WDPCP: variants seen among roughly 807,000 people sequenced by gnomAD.
WDPCP encodes the protein WD repeat containing planar cell polarity effector, also known as WD repeat-containing and planar cell polarity effector protein fritz homolog.
A neutral mutation model predicts 93.1 loss-of-function variants in WDPCP; 71 were observed. That is an observed-to-expected ratio of 0.76 (90% confidence interval 0.63 to 0.93). WDPCP has a LOEUF of 0.93. Among genes scored for constraint, WDPCP ranks in the 40% least tolerant of loss-of-function variants. The pLI is 0.00. For missense variants in WDPCP, 844 were observed against 887.4 expected (o/e 0.95, Z 0.62); for synonymous variants, 315 against 315.0 (o/e 1.00, Z 0.00).
intron 2 of WDPCP, among the ~76,000 whole-genome samples, chr2:63,682,671 A>T (rs1668731589): frequency 6.6e-6 from 1 of 152,278 alleles, no homozygotes; most frequent in Non-Finnish European, 1.5e-5. Context: ...AAAGATATAA[A>T]TATCCAAGTA....
chr2:63,694,976 AAAAATAAGAAAC>A (rs1668942574), intron 2 of WDPCP, among the ~76,000 whole-genome samples: 1 of 152,234 alleles, frequency 6.6e-6, no homozygotes. Context: ...TAGTTCAGTC[AAAAATAAGAAAC>A]AAAAACACAG....
chr2:63,241,150 CTG>C (rs2104640667), intron 14 of WDPCP, among the ~76,000 whole-genome samples: 1 of 152,240 alleles, frequency 6.6e-6, no homozygotes, highest in South Asian at 2.1e-4. Flanking sequence ...TTACTGAAAA[CTG>C]TACATCTCTT....
intron 12 of WDPCP, among the ~76,000 whole-genome samples, chr2:63,360,705 T>C (rs1690381448): frequency 2.0e-5 from 3 of 152,260 alleles, no homozygotes; most frequent in Admixed American, 2.0e-4. Context: ...AAAACGTAGA[T>C]AACATCCCAT....
Position 63,605,815 on chromosome 2 carries a change from G to A in WDPCP, n.488+44844C>T, listed in dbSNP as rs1246866102. 4 of 801,300 alleles carry A rather than the reference G, an allele frequency of 5.0e-6. No homozygotes were observed. In the East Asian group the frequency reaches 7.3e-5, roughly 15 times the overall value. 49.6% of individuals were successfully genotyped at this position (801,300 alleles called of 1,614,324 possible). The stretch of plus-strand genomic sequence containing the variant: ...TCACCAGTACCTGGTGCTGATGATA[G>A]TTCCTTACACAGTAATGATGTTATG... On this transcript the variant is annotated intron_variant and non_coding_transcript_variant, in intron 3 of 4. Coordinates refer to the WDPCP transcript ENST00000467687.
chr2:63,536,773 CTTT>C (rs58661370), intron 1 of WDPCP, among the ~76,000 whole-genome samples: 3 of 93,630 alleles, frequency 3.2e-5, no homozygotes, highest in African/African-American at 4.5e-5. Context: ...ATTCTTCATG[CTTT>C]TTTTTTTTTT....
At position 63,393,578 on chromosome 2, in the gene WDPCP, A is replaced by C. The variant is rs578181387; in HGVS notation, c.1435+10470T>G. ...GGAAAAAAAAGAAAAACTAATTTAAAATTCATATGGAACCAAAAAAAGAGT... is the reference window on the plus strand; with the variant it reads ...GGAAAAAAAAGAAAAACTAATTTAACATTCATATGGAACCAAAAAAAGAGT... On this transcript the variant is annotated intron_variant, in intron 10 of 17. Coordinates refer to ENST00000272321, the MANE Select transcript of WDPCP (RefSeq NM_015910.7). Among the ~76,000 whole-genome samples the C allele has an allele frequency of 9.2e-5, 14 of 152,194 alleles. No individual in the cohort carries two copies. The South Asian group carries it at 2.9e-3, about 32-fold the overall frequency.
At chr2:63,265,631 A>G (rs1682042732) in intron 13 of WDPCP, among the ~76,000 whole-genome samples, 1 of 152,182 alleles carries the variant, frequency 6.6e-6, no homozygotes. Context: ...CTTCCAACAA[A>G]CTGAAGAGGA....
At chr2:63,796,885 C>G (rs1401027488) in intron 2 of WDPCP, among the ~76,000 whole-genome samples, 1 of 152,156 alleles carries the variant, frequency 6.6e-6, no homozygotes, top group Non-Finnish European at 1.5e-5. Flanking sequence ...GGAGTGTTTG[C>G]ACCACCCCTC....
At position 63,625,671 on chromosome 2, in the gene WDPCP, C is replaced by T. The variant is rs1032882069; in HGVS notation, n.488+24988G>A. ...CCTCTTCAAGGGGAACTACAAACCA[C>T]GCTCAAGGCAATAAAAGAACACAAA... On this transcript the variant is annotated intron_variant and non_coding_transcript_variant, in intron 3 of 4. Coordinates refer to the WDPCP transcript ENST00000467687. 7.2e-5 allele frequency among the ~76,000 whole-genome samples: 11 copies of T among 152,074 alleles called. 1 individual carries two copies. The highest frequency in any genetic ancestry group is 2.1e-4 in the South Asian group (1 of 4,824).
rs551349652 is a variant in WDPCP at position 63,638,433 on chromosome 2, A to T, written n.488+12226T>A. Among the ~76,000 whole-genome samples, 4 of 152,282 alleles carry T rather than the reference A, an allele frequency of 2.6e-5. 1 individual carries two copies. Among genetic ancestry groups the T allele is most frequent in the African/African-American group, 9.6e-5 (4 of 41,556 alleles). ...TCACAATCTATACATATATCAAATC[A>T]TCATCTTGTACACTTTAAATATATA... On this transcript the variant is annotated intron_variant and non_coding_transcript_variant, in intron 3 of 4. Coordinates refer to the WDPCP transcript ENST00000467687.
chr2:63,298,351 T>C (rs932686054), intron 13 of WDPCP, among the ~76,000 whole-genome samples: 3 of 152,020 alleles, frequency 2.0e-5, no homozygotes, highest in African/African-American at 7.3e-5. Context: ...GTATGCAAAG[T>C]ATTGTTTCTG....
chr2:63,365,447 A>C (rs936761847), intron 12 of WDPCP, among the ~76,000 whole-genome samples: 1 of 152,212 alleles, frequency 6.6e-6, no homozygotes, highest in Non-Finnish European at 1.5e-5. Flanking sequence ...TATGCATGGT[A>C]GGTGTTCTTT....
chr2:63,800,293 T>A (rs1049202794), intron 2 of WDPCP, among the ~76,000 whole-genome samples: 1 of 152,208 alleles, frequency 6.6e-6, no homozygotes, highest in East Asian at 1.9e-4. Context: ...TTACTTTGTA[T>A]AGTGAGTAAC....
At chr2:63,771,975 C>T (rs1414771784) in intron 2 of WDPCP, among the ~76,000 whole-genome samples, 1 of 151,864 alleles carries the variant, frequency 6.6e-6, no homozygotes, top group Non-Finnish European at 1.5e-5. Context: ...GATTCCATAT[C>T]TTTGCTATTG....
intron 2 of WDPCP, among the ~76,000 whole-genome samples, chr2:63,811,503 C>A (rs1002275598): frequency 1.2e-4 from 18 of 152,048 alleles, no homozygotes; most frequent in Non-Finnish European, 2.2e-4. Flanking sequence ...CTTACCAACA[C>A]AAGGAAATGA....
At chr2:63,743,161 G>C (rs1669749755) in intron 2 of WDPCP, among the ~76,000 whole-genome samples, 1 of 152,020 alleles carries the variant, frequency 6.6e-6, no homozygotes, top group Admixed American at 6.6e-5. Context: ...TTTCTCCTGA[G>C]CTGTTCTTCC....
At chr2:63,517,002 C>CT (rs912370921) in intron 1 of WDPCP, among the ~76,000 whole-genome samples, 1 of 152,044 alleles carries the variant, frequency 6.6e-6, no homozygotes, top group African/African-American at 2.4e-5. Flanking sequence ...AAAACCTACC[C>CT]TTTGAACTCT....
intron 2 of WDPCP, among the ~76,000 whole-genome samples, chr2:63,679,772 C>G (rs1465249792): frequency 2.0e-5 from 3 of 151,980 alleles, no homozygotes; most frequent in Admixed American, 6.5e-5. Flanking sequence ...AGTCTCTGTC[C>G]CTAAGCTTCA....
intron 2 of WDPCP, among the ~76,000 whole-genome samples, chr2:63,702,561 C>T (rs757051003): frequency 1.4e-5 from 2 of 147,692 alleles, no homozygotes; most frequent in Non-Finnish European, 3.0e-5. Context: ...GTGTAGGGGG[C>T]GGAGTCTCAT....
Sources: gnomAD v4.1 joint callset for allele counts (sites outside exome capture counted in the v4.1 genomes callset) on GRCh38, gnomAD v4.1.1 for gene constraint, MANE v1.5 for transcripts, NCBI Gene and HGNC (gene_info 2026-07-23, HGNC 2026-07-21) for gene names.